CDX2: variants seen among roughly 807,000 people sequenced by gnomAD.
CDX2 encodes the protein homeobox protein CDX-2.
Under a neutral mutation model 25.5 loss-of-function variants are expected in CDX2, and 7 were observed. The observed-to-expected ratio is 0.27, with a 90% CI of 0.16 to 0.52. The LOEUF is 0.52. Ranked by LOEUF, CDX2 falls within the 20% of genes least tolerant of loss-of-function variation. CDX2 has a pLI of 0.97. For synonymous variants in CDX2, 222 were observed against 198.6 expected (o/e 1.12, Z -0.99); for missense variants, 375 against 431.4 (o/e 0.87, Z 1.16).
At chr13:27,965,807 G>A (rs1478107768) in intron 1 of CDX2, among the ~76,000 whole-genome samples, 1 of 152,256 alleles carries the variant, frequency 6.6e-6, no homozygotes, top group East Asian at 1.9e-4. Flanking sequence ...TGTCCACAAT[G>A]TTGGAGCAGG....
At chr13:27,965,369 C>T (rs1304237969) in intron 1 of CDX2, among the ~76,000 whole-genome samples, 2 of 152,170 alleles carry the variant, frequency 1.3e-5, no homozygotes, top group Admixed American at 6.5e-5. Context: ...GTGAAGTGGC[C>T]GGGATCCTGG....
At chr13:27,965,729 G>A (rs1869286726) in intron 1 of CDX2, among the ~76,000 whole-genome samples, 1 of 152,212 alleles carries the variant, frequency 6.6e-6, no homozygotes, top group Non-Finnish European at 1.5e-5. Context: ...AGTGATCTAT[G>A]CTCATTGGAT....
At chr13:27,968,212 TGAG>T (rs1473520505) in intron 1 of CDX2, among the ~76,000 whole-genome samples, 7 of 152,174 alleles carry the variant, frequency 4.6e-5, no homozygotes, top group African/African-American at 1.7e-4. Flanking sequence ...GGGTTGCGAA[TGAG>T]GAGCTCTTGG....
intron 1 of CDX2, among the ~76,000 whole-genome samples, chr13:27,967,756 C>G (rs1342534040): frequency 6.6e-6 from 1 of 152,230 alleles, no homozygotes; most frequent in Non-Finnish European, 1.5e-5. Context: ...TCTCCGCAGA[C>G]GCCTGCCCCT....
rs933929591 is a variant in CDX2, at chr13:27,964,563, T to C, written c.687+307A>G. ...TGCAAAAAATTTAAACATTAGCCAG[T>C]CATGGTGGCTCGAGCCTGTAGTCCA... On this transcript the variant is annotated intron_variant, in intron 2 of 2. Coordinates refer to ENST00000381020, the MANE Select transcript of CDX2 (RefSeq NM_001265.6). The surrounding 1 kb of genome is among the most constrained non-coding windows in gnomAD (Gnocchi z 4.7). Among the ~76,000 whole-genome samples the C allele has an allele frequency of 4.0e-5, 6 of 151,550 alleles. No homozygotes were observed. Among genetic ancestry groups the C allele is most frequent in the African/African-American group, 1.5e-4 (6 of 41,188 alleles).
At position 27,964,830 on chromosome 13, in the gene CDX2, C is replaced by T; in HGVS notation, c.687+40G>A. ...TTTTCTAACTCTCATGGTCCTCTGC[C>T]AGGCAGTGGCCCGCCCGGAGGGAGC... On this transcript the variant is annotated intron_variant, in intron 2 of 2. Coordinates refer to ENST00000381020, the MANE Select transcript of CDX2 (RefSeq NM_001265.6). This position sits in a 1 kb window ranked among gnomAD's most constrained non-coding sequence, Gnocchi z 4.7. 1 of 1,608,394 alleles carries T rather than the reference C, an allele frequency of 6.2e-7. No individual in the cohort carries two copies. Among genetic ancestry groups the T allele is most frequent in the Non-Finnish European group, 8.5e-7 (1 of 1,177,178 alleles).
rs773333487 is a variant in CDX2, at chr13:27,961,688, G to A, written c.*1427C>T. ...AAATGCTGTCTTGGGAAACTAGGGG[G>A]ATTTTTTTTAAAAAAAATTTAATGC... On this transcript the variant is annotated 3_prime_UTR_variant, in exon 3 of 3. Transcript: ENST00000381020. Among the ~76,000 whole-genome samples the A allele has an allele frequency of 4.7e-5, 3 of 63,694 alleles. No individual in the cohort carries two copies. Among genetic ancestry groups the A allele is most frequent in the Non-Finnish European group, 1.0e-4 (3 of 28,978 alleles). 41.8% of individuals were successfully genotyped at this position (63,694 alleles called of 152,430 possible). A position where few individuals can be genotyped will look rare whatever the true frequency, so the allele number is the denominator to read the frequency against.
chr13:27,968,401 C>T, intron 1 of CDX2, 65 bp downstream of exon 1: 1 of 1,399,552 alleles, frequency 7.1e-7, no homozygotes, highest in Non-Finnish European at 9.2e-7. Context: ...GCGCGACGCG[C>T]AGCAGCCACT....
chr13:27,968,417 G>T (rs746202569), intron 1 of CDX2, 49 bp downstream of exon 1: 3 of 1,430,482 alleles, frequency 2.1e-6, no homozygotes, highest in South Asian at 3.1e-5. Context: ...CCACTGGCTC[G>T]ACCCGCGCCT....
intron 1 of CDX2, 149 bp from the exon 2 acceptor site, chr13:27,965,164 A>AC (rs1290342274): frequency 1.0e-5 from 8 of 764,298 alleles, no homozygotes; most frequent in Admixed American, 1.0e-4. Flanking sequence ...GTCTGACAAG[A>AC]CCCCCCAGAG....
Position 27,963,185 on chromosome 13 carries a change from G to A in CDX2, c.872C>T (p.Ser291Leu). The A allele has an allele frequency of 6.2e-7, 1 of 1,614,206 alleles. No individual in the cohort carries two copies. Among genetic ancestry groups the A allele is most frequent in the Non-Finnish European group, 8.5e-7 (1 of 1,180,028 alleles). ...AACCCCAGGGACAGAGCCAGGCACT[G>A]AGGCTTGCAGGGAAGACACCGGACT... ...PLSPVSSLQASVPGSVPGVLG... is the reference protein window; with the variant it reads ...PLSPVSSLQALVPGSVPGVLG... Residue 291 changes from serine (S) to leucine (L), a missense_variant, in exon 3 of 3, where the codon TCA becomes TTA. Physicochemically the swap from Ser to Leu is moderately radical, Grantham distance 145 (BLOSUM62 -2). Coordinates refer to ENST00000381020, the MANE Select transcript of CDX2 (RefSeq NM_001265.6).
At chr13:27,968,193 G>A (rs1285541483) in intron 1 of CDX2, among the ~76,000 whole-genome samples, 2 of 152,218 alleles carry the variant, frequency 1.3e-5, no homozygotes, top group African/African-American at 2.4e-5. Context: ...GCTTCCCGAA[G>A]GTGTCCCGGG....
intron 1 of CDX2, 129 bp from the exon 2 acceptor site, chr13:27,965,144 T>G (rs1593183333): frequency 1.0e-6 from 1 of 1,004,306 alleles, no homozygotes; most frequent in Non-Finnish European, 1.5e-6. Flanking sequence ...GTTTGGCTGG[T>G]TCCTGCCAAG....
At chr13:27,968,102 G>T (rs918271298) in intron 1 of CDX2, among the ~76,000 whole-genome samples, 1 of 152,196 alleles carries the variant, frequency 6.6e-6, no homozygotes, top group Non-Finnish European at 1.5e-5. Flanking sequence ...CAGGAGCCAC[G>T]CAAGGAATGC....
At chr13:27,963,502 G>T in intron 2 of CDX2, 133 bp from the exon 3 acceptor site, 1 of 757,164 alleles carries the variant, frequency 1.3e-6, no homozygotes, top group Non-Finnish European at 2.1e-6. Context: ...GCTTTCCTCG[G>T]GCATCCCCAT....
intron 1 of CDX2, among the ~76,000 whole-genome samples, chr13:27,966,599 C>T (rs1869339346): frequency 6.6e-6 from 1 of 152,174 alleles, no homozygotes; most frequent in African/African-American, 2.4e-5. Context: ...GCGACCCTTG[C>T]TCGGGTGCTG....
rs1869104775 is a variant in CDX2 at position 27,962,575 on chromosome 13, G to T, written c.*540C>A. 1 of 232,918 alleles carries T rather than the reference G, an allele frequency of 4.3e-6. No individual in the cohort carries two copies. Among genetic ancestry groups the T allele is most frequent in the South Asian group, 1.8e-4 (1 of 5,532 alleles). 14.4% of individuals were successfully genotyped at this position (232,918 alleles called of 1,614,324 possible). On this transcript the variant is annotated 3_prime_UTR_variant, in exon 3 of 3. Transcript: ENST00000381020. ...GAAAAAAGACGCAGGCCACCTGGGG[G>T]TTCTGCAGTCTTTGGTCAGTCCAGC...
intron 1 of CDX2, among the ~76,000 whole-genome samples, 169 bp from the exon 2 acceptor site, chr13:27,965,184 G>T (rs1048781849): frequency 6.6e-6 from 1 of 152,138 alleles, no homozygotes; most frequent in Admixed American, 6.5e-5. Flanking sequence ...GGGTCCTGTG[G>T]GGGGAGGGTA....
chr13:27,963,028 G>A lies in CDX2; in HGVS notation c.*87C>T. ...TAGGTCTATGGCTGTGGGTGGGAGG[G>A]GAGGGGTCTCTCCTGAGGAGTCTAG... On this transcript the variant is annotated 3_prime_UTR_variant, in exon 3 of 3. Coordinates refer to ENST00000381020, the MANE Select transcript of CDX2 (RefSeq NM_001265.6). The A allele has an allele frequency of 1.4e-6, 2 of 1,455,526 alleles. No homozygotes were observed. Among genetic ancestry groups the A allele is most frequent in the Non-Finnish European group, 1.8e-6 (2 of 1,099,734 alleles). The allele number at this position is 1,455,526 out of a possible 1,614,324, so 90.2% of individuals were successfully genotyped here.
Sources: allele counts gnomAD v4.1 joint callset (sites outside exome capture counted in the v4.1 genomes callset), GRCh38; gene constraint gnomAD v4.1.1; non-coding constraint Gnocchi (gnomAD v3.1); transcripts MANE v1.5; gene names NCBI Gene and HGNC (gene_info 2026-07-23, HGNC 2026-07-21).